RNASE10: variants seen among roughly 807,000 people sequenced by gnomAD.
RNASE10 encodes ribonuclease A family member 10 (inactive), also known as inactive ribonuclease-like protein 10.
RNASE10 carries 2 observed loss-of-function variants against 1.1 expected under a neutral mutation model. That is an observed-to-expected ratio of 1.82 (90% CI 0.74 to 5.73). The LOEUF (loss-of-function observed/expected upper bound fraction) is 5.73. Ranked by LOEUF, RNASE10 falls within the 30% of genes most tolerant of loss-of-function variation. RNASE10 has a pLI of 0.05. For synonymous variants in RNASE10, 97 were observed against 96.2 expected, an observed-to-expected ratio of 1.01 and a Z score of -0.05; for missense variants, 276 against 263.4, an observed-to-expected ratio of 1.05 and a Z score of -0.33.
intron 1 of RNASE10, among the ~76,000 whole-genome samples, chr14:20,508,293 A>G (rs1882804618): frequency 6.6e-6 from 1 of 152,228 alleles, no homozygotes; most frequent in Admixed American, 6.5e-5. Flanking sequence ...AGTTTCAGTT[A>G]CCCATGGTCA....
exon 2 of RNASE10, chr14:20,511,047 C>T: frequency 3.3e-6 from 5 of 1,536,394 alleles, no homozygotes; most frequent in Non-Finnish European, 4.4e-6. Context: ...ACTGCAATTA[C>T]CTAACTTCTG....
chr14:20,510,788 A>G, exon 2 of RNASE10: 3 of 1,614,238 alleles, frequency 1.9e-6, no homozygotes, highest in Admixed American at 1.7e-5. Context: ...TTTCAGAGCA[A>G]CAAAGACTAT....
At chr14:20,510,546 G>A in exon 2 of RNASE10, 1 of 1,614,188 alleles carries the variant, frequency 6.2e-7, no homozygotes, top group African/African-American at 1.3e-5. Flanking sequence ...GCCTGGGGTT[G>A]GGACTTCATA....
upstream of RNASE10, among the ~76,000 whole-genome samples, chr14:20,504,957 A>T (rs910537911): frequency 2.0e-5 from 3 of 152,070 alleles, no homozygotes. Flanking sequence ...CCAAAGCTCA[A>T]GCAGCGTGTA....
At chr14:20,511,136 CT>C (rs761470501) in exon 2 of RNASE10, 4 of 1,463,042 alleles carry the variant, frequency 2.7e-6, no homozygotes, top group African/African-American at 1.4e-5. Context: ...AACTCATCAT[CT>C]TTTTTCTCTT....
intron 1 of RNASE10, among the ~76,000 whole-genome samples, chr14:20,507,570 G>A (rs1347765987): frequency 7.1e-6 from 1 of 140,404 alleles, no homozygotes; most frequent in African/African-American, 2.8e-5. Flanking sequence ...CTATGACCCT[G>A]CCAAATCCCC....
chr14:20,509,617 T>C (rs186466806), intron 1 of RNASE10, among the ~76,000 whole-genome samples: 18 of 152,256 alleles, frequency 1.2e-4, no homozygotes, highest in Non-Finnish European at 1.0e-4. Flanking sequence ...TTTTTATCTT[T>C]TGTGGGGAAG....
intron 1 of RNASE10, among the ~76,000 whole-genome samples, chr14:20,508,744 A>T (rs1882816230): frequency 6.6e-6 from 1 of 152,180 alleles, no homozygotes; most frequent in Admixed American, 6.5e-5. Flanking sequence ...TTTGAACAGT[A>T]TATTGTTATA....
chr14:20,509,239 G>T (rs1033993513), intron 1 of RNASE10, among the ~76,000 whole-genome samples: 1 of 152,206 alleles, frequency 6.6e-6, no homozygotes, highest in African/African-American at 2.4e-5. Flanking sequence ...AGTAGAGATG[G>T]GGTTTCACCA....
At chr14:20,509,953 C>CAAAA (rs375096247) in intron 1 of RNASE10, among the ~76,000 whole-genome samples, 3 of 121,542 alleles carry the variant, frequency 2.5e-5, no homozygotes, top group African/African-American at 9.8e-5. Flanking sequence ...AGACTCGTCT[C>CAAAA]AAAAAAAAAA....
rs764187608 is a variant in RNASE10, at chr14:20,510,536, G to A, written c.149G>A (p.Gly50Asp). The change falls in exon 2 of 2, where the codon GGC becomes GAC. Residue 50 changes from glycine to aspartate, a missense_variant. By Grantham distance (94) the Gly-to-Asp change is moderately conservative (BLOSUM62 -1). Coordinates refer to ENST00000430083, the Ensembl canonical transcript of RNASE10. ...ATGCTGCTGCTGGGCCTGGGGATGGGCCTGGGGTTGGGACTTCATATGGCT... is the reference window on the plus strand; with the variant it reads ...ATGCTGCTGCTGGGCCTGGGGATGGACCTGGGGTTGGGACTTCATATGGCT... 14 of 1,614,146 alleles carry A rather than the reference G, an allele frequency of 8.7e-6. 1 individual carries two copies. In the Middle Eastern group the frequency reaches 1.5e-3, roughly 171 times the overall value.
chr14:20,504,687 CAA>C (rs71112507), upstream of RNASE10, among the ~76,000 whole-genome samples: 12 of 44,534 alleles, frequency 2.7e-4, no homozygotes, highest in South Asian at 1.3e-3. Flanking sequence ...GACTCCGTCT[CAA>C]AAAAAAAAAA....
chr14:20,510,831 T>G (rs781176025), exon 2 of RNASE10: 1 of 1,614,082 alleles, frequency 6.2e-7, no homozygotes, highest in South Asian at 1.1e-5. Context: ...GAGAATGCAA[T>G]GATATGATGG....
chr14:20,506,301 G>A (rs1409324770), intron 1 of RNASE10, among the ~76,000 whole-genome samples: 2 of 104,648 alleles, frequency 1.9e-5, no homozygotes, highest in East Asian at 5.1e-4. Context: ...CGCCCCGTCC[G>A]GGAGGGAGGT....
downstream of RNASE10, among the ~76,000 whole-genome samples, chr14:20,511,734 C>A (rs1359829614): frequency 6.6e-6 from 1 of 152,144 alleles, no homozygotes; most frequent in Non-Finnish European, 1.5e-5. Flanking sequence ...TTTCTTGACC[C>A]TTCACTGCCC....
chr14:20,506,438 G>A (rs1380137051), intron 1 of RNASE10, among the ~76,000 whole-genome samples: 4 of 133,804 alleles, frequency 3.0e-5, no homozygotes, highest in Admixed American at 7.1e-5. Flanking sequence ...CGGGAGGGGG[G>A]AGGGGGGGTC....
chr14:20,506,491 TGG>T (rs1882723677), intron 1 of RNASE10, among the ~76,000 whole-genome samples: 1 of 35,724 alleles, frequency 2.8e-5, no homozygotes, highest in African/African-American at 1.3e-4. Flanking sequence ...AGGGAGGTGG[TGG>T]GGGTCAGCCC....
chr14:20,504,666 C>T (rs61994221), upstream of RNASE10, among the ~76,000 whole-genome samples: 2,511 of 98,270 alleles, frequency 0.026, no homozygotes, highest in African/African-American at 0.047. Flanking sequence ...CCAGCCTGGG[C>T]GACAGAGAGA....
intron 1 of RNASE10, among the ~76,000 whole-genome samples, chr14:20,507,120 C>T (rs1392214832): frequency 4.7e-5 from 7 of 148,850 alleles, no homozygotes; most frequent in Non-Finnish European, 1.0e-4. Context: ...GTGTGCCCAG[C>T]GGCTCATTGG....
Sources: allele counts gnomAD v4.1 joint callset (sites outside exome capture counted in the v4.1 genomes callset), GRCh38; gene constraint gnomAD v4.1.1; transcripts MANE v1.5; gene names NCBI Gene and HGNC (gene_info 2026-07-23, HGNC 2026-07-21).